The following XRN1 variants were observed in gnomAD, a reference collection of about 807,000 sequenced individuals.
XRN1 encodes 5'-3' exoribonuclease 1.
Under a neutral mutation model 222.3 loss-of-function variants are expected in XRN1, and 67 were observed. That is an observed-to-expected ratio of 0.30 (90% CI 0.25 to 0.37). The LOEUF (loss-of-function observed/expected upper bound fraction) is 0.37. Among genes scored for constraint, XRN1 ranks in the 10% least tolerant of loss-of-function variants. XRN1 has a pLI of 1.00. For missense variants in XRN1, 1,707 were observed against 2,000.2 expected (o/e 0.85, Z 2.80); for synonymous variants, 643 against 652.4 (o/e 0.99, Z 0.22).
At chr3:142,345,892 T>C (rs1018222924) in intron 33 of XRN1, among the ~76,000 whole-genome samples, 2 of 152,214 alleles carry the variant, frequency 1.3e-5, no homozygotes, top group Admixed American at 6.5e-5. Flanking sequence ...ATAACAAATG[T>C]TGTGAAGGAT....
In XRN1 at chr3:142,310,665, A is replaced by G. The variant is rs2065055286; in HGVS notation, c.*846T>C. 1 of 152,624 alleles carries G rather than the reference A, an allele frequency of 6.6e-6. No individual in the cohort carries two copies. The highest frequency in any genetic ancestry group is 1.5e-5 in the Non-Finnish European group (1 of 68,020). The allele number at this position is 152,624 out of a possible 1,614,324, so 9.5% of individuals were successfully genotyped here. A position where few individuals can be genotyped will look rare whatever the true frequency, so the allele number is the denominator to read the frequency against. Reference sequence around the variant, plus strand: ...GTCAGGTAAGCAAATAAAAAGCTATACAAAATAATACAGTTTATTAATTAA... The same window carrying G: ...GTCAGGTAAGCAAATAAAAAGCTATGCAAAATAATACAGTTTATTAATTAA... On this transcript the variant is annotated 3_prime_UTR_variant, in exon 41 of 41. Transcript: ENST00000392981.
At chr3:142,376,369 A>C in intron 24 of XRN1, 110 bp downstream of exon 24, 4 of 916,278 alleles carry the variant, frequency 4.4e-6, no homozygotes, top group Non-Finnish European at 6.8e-6. Context: ...CACAATTTTA[A>C]GACAATCCAG....
chr3:142,342,691 TCTC>T (rs1279935212), intron 33 of XRN1, among the ~76,000 whole-genome samples: 2 of 152,072 alleles, frequency 1.3e-5, no homozygotes, highest in Non-Finnish European at 2.9e-5. Flanking sequence ...GAGAGAGTAG[TCTC>T]CTCAATAAAT....
In XRN1 at chr3:142,307,606, C is replaced by T. The variant is rs151136920; in HGVS notation, c.*3905G>A. 4.6e-5 allele frequency: 7 copies of T among 152,258 alleles called. No individual in the cohort carries two copies. The East Asian group carries it at 1.3e-3, about 29-fold the overall frequency. The allele number at this position is 152,258 out of a possible 1,614,324, so 9.4% of individuals were successfully genotyped here. ...AAAAGGATCTATGATGTCTGTGAAA[C>T]TTAACGGCCTGTCTGCTCTGCCATG... On this transcript the variant is annotated 3_prime_UTR_variant, in exon 41 of 41. Transcript: ENST00000392981.
At chr3:142,374,659 C>T (rs1375830221) in intron 25 of XRN1, among the ~76,000 whole-genome samples, 1 of 152,010 alleles carries the variant, frequency 6.6e-6, no homozygotes, top group Non-Finnish European at 1.5e-5. Context: ...GAAAGCCACT[C>T]ACAGCAGAAA....
At chr3:142,366,722 C>T (rs1432061394) in intron 27 of XRN1, among the ~76,000 whole-genome samples, 1 of 152,062 alleles carries the variant, frequency 6.6e-6, no homozygotes, top group Admixed American at 6.6e-5. Context: ...TAAAAGACTA[C>T]AACAGCAAAA....
chr3:142,329,564 G>A lies in XRN1; in HGVS notation c.4274C>T (p.Ser1425Phe), dbSNP rs199861128. The change falls in exon 37 of 41, where the codon TCT becomes TTT. Residue 1425 changes from serine to phenylalanine, a missense_variant. Coordinates refer to ENST00000392981, the MANE Select transcript of XRN1 (RefSeq NM_001282857.2). ...GGCAGGCCAACACATATTGTCCATA[G>A]ACTGAACATTATGGTACTCATTAGC... is the stretch of plus-strand genomic sequence containing the variant. The part of the protein sequence containing the change: ...HSANEYHNVQ[S>F]MDNMCWPAPS... 5 of 1,591,244 alleles carry A rather than the reference G, an allele frequency of 3.1e-6. No individual in the cohort carries two copies. In the African/African-American group the frequency reaches 6.8e-5, roughly 22 times the overall value.
intron 1 of XRN1, among the ~76,000 whole-genome samples, chr3:142,446,650 G>C (rs1364248741): frequency 6.6e-6 from 1 of 152,178 alleles, no homozygotes; most frequent in Non-Finnish European, 1.5e-5. Flanking sequence ...ATATATAGCA[G>C]GTACTGACTG....
intron 10 of XRN1, among the ~76,000 whole-genome samples, chr3:142,419,900 G>A (rs1356332607): frequency 5.9e-5 from 9 of 151,842 alleles, no homozygotes; most frequent in East Asian, 5.8e-4. Context: ...GTTAACACAA[G>A]ACATTCTTTG....
intron 1 of XRN1, among the ~76,000 whole-genome samples, chr3:142,439,331 C>A (rs1346219195): frequency 6.6e-6 from 1 of 152,136 alleles, no homozygotes; most frequent in African/African-American, 2.4e-5. Context: ...AGAACGATTC[C>A]CCACAGGCCA....
At chr3:142,404,140 T>C (rs1313313926) in intron 16 of XRN1, 151 bp from the exon 17 acceptor site, 1 of 670,176 alleles carries the variant, frequency 1.5e-6, no homozygotes, top group African/African-American at 1.8e-5. Flanking sequence ...CACAAGCAGA[T>C]AACCAGCCTC....
intron 16 of XRN1, 83 bp from the exon 17 acceptor site, chr3:142,404,072 G>A (rs947909828): frequency 1.8e-5 from 21 of 1,180,618 alleles, no homozygotes; most frequent in South Asian, 2.9e-5. Flanking sequence ...TGTATATTTC[G>A]TAAGAGTCAT....
In XRN1 at chr3:142,307,316, A is replaced by T. The variant is rs1281889345; in HGVS notation, c.*4195T>A. On this transcript the variant is annotated 3_prime_UTR_variant, in exon 41 of 41. Transcript: ENST00000392981. The stretch of plus-strand genomic sequence containing the variant: ...AAACCTATTTGGCCTGGACAATTTA[A>T]TAGTATACCAACTGCTGAAACAACC... 6.6e-6 allele frequency: 1 copy of T among 152,106 alleles called. No homozygotes were observed. The highest frequency in any genetic ancestry group is 1.9e-4 in the East Asian group (1 of 5,190). 9.4% of individuals were successfully genotyped at this position (152,106 alleles called of 1,614,324 possible).
chr3:142,408,093 G>C (rs1267287750), intron 15 of XRN1, among the ~76,000 whole-genome samples: 1 of 152,208 alleles, frequency 6.6e-6, no homozygotes, highest in Non-Finnish European at 1.5e-5. Flanking sequence ...CCGCTGTCTA[G>C]TTTCTCCAAC....
chr3:142,436,936 C>T (rs935626171), intron 1 of XRN1, among the ~76,000 whole-genome samples: 5 of 151,936 alleles, frequency 3.3e-5, no homozygotes, highest in Admixed American at 6.6e-5. Context: ...TATATTTTTC[C>T]GCATTATCTG....
intron 27 of XRN1, among the ~76,000 whole-genome samples, chr3:142,367,852 C>T (rs1040515733): frequency 1.3e-5 from 2 of 151,760 alleles, no homozygotes; most frequent in Non-Finnish European, 2.9e-5. Context: ...TAATGATGAT[C>T]CTGCATTACT....
chr3:142,335,572 A>G, intron 33 of XRN1, 63 bp from the exon 34 acceptor site: 1 of 1,363,954 alleles, frequency 7.3e-7, no homozygotes, highest in Non-Finnish European at 1.0e-6. Context: ...TAAAACTACC[A>G]AATATTTATA....
At chr3:142,436,397 G>A (rs2069912594) in intron 1 of XRN1, among the ~76,000 whole-genome samples, 1 of 152,120 alleles carries the variant, frequency 6.6e-6, no homozygotes, top group Admixed American at 6.6e-5. Context: ...TAAATATTTA[G>A]CATTCTAATT....
At chr3:142,387,559 T>C (rs1315484710) in intron 20 of XRN1, among the ~76,000 whole-genome samples, 2 of 152,170 alleles carry the variant, frequency 1.3e-5, no homozygotes, top group African/African-American at 4.8e-5. Context: ...ATAAAGTGAG[T>C]CACATGAATT....
Sources: gnomAD v4.1 joint callset for allele counts (sites outside exome capture counted in the v4.1 genomes callset) on GRCh38, gnomAD v4.1.1 for gene constraint, MANE v1.5 for transcripts, NCBI Gene and HGNC (gene_info 2026-07-23, HGNC 2026-07-21) for gene names.